Variants in CDKAL1 observed in about 807,000 individuals in gnomAD.
CDKAL1 encodes the protein threonylcarbamoyladenosine tRNA methylthiotransferase.
Under a neutral mutation model 68.2 loss-of-function variants are expected in CDKAL1, and 32 were observed. The observed-to-expected ratio is 0.47, with a 90% CI of 0.35 to 0.63. CDKAL1 has a LOEUF of 0.63. Ranked by LOEUF, CDKAL1 falls within the 30% of genes least tolerant of loss-of-function variation. The probability of loss-of-function intolerance (pLI) is 0.00; values close to 1 mark genes in which losing one functional copy is unlikely to be tolerated. For missense variants in CDKAL1, 606 were observed against 696.7 expected (o/e 0.87, Z 1.47); for synonymous variants, 234 against 244.3 (o/e 0.96, Z 0.39).
chr6:20,717,807 A>G (rs919403681), intron 5 of CDKAL1, among the ~76,000 whole-genome samples: 1 of 152,022 alleles, frequency 6.6e-6, no homozygotes, highest in African/African-American at 2.4e-5. Context: ...TTTTTTGTAT[A>G]TGGGGAATTT....
At chr6:20,815,744 C>T (rs995449084) in intron 8 of CDKAL1, among the ~76,000 whole-genome samples, 12 of 151,804 alleles carry the variant, frequency 7.9e-5, no homozygotes, top group African/African-American at 2.7e-4. Flanking sequence ...AGTCTACCAC[C>T]CAGAGATAAC....
At chr6:20,688,003 G>A (rs1317155286) in intron 5 of CDKAL1, among the ~76,000 whole-genome samples, 1 of 151,736 alleles carries the variant, frequency 6.6e-6, no homozygotes, top group African/African-American at 2.4e-5. Context: ...AGAATTCTAT[G>A]TTGTTGTTTT....
intron 8 of CDKAL1, among the ~76,000 whole-genome samples, chr6:20,828,318 T>C (rs1319855313): frequency 6.6e-6 from 1 of 152,042 alleles, no homozygotes; most frequent in African/African-American, 2.4e-5. Context: ...AACCTCCACC[T>C]CCTGGGATCA....
chr6:20,738,958 C>T lies in CDKAL1; in HGVS notation c.372-561C>T, dbSNP rs111892388. Among the ~76,000 whole-genome samples the T allele has an allele frequency of 2.4e-3, 369 of 152,278 alleles. 2 individuals carry two copies. Among genetic ancestry groups the T allele is most frequent in the African/African-American group, 8.2e-3 (341 of 41,560 alleles). On this transcript the variant is annotated intron_variant, in intron 5 of 15. Transcript: ENST00000274695. Reference sequence around the variant, plus strand: ...TATGCTTGCATATGTGAGGGATAGTCTTGTGTCTGGAAGTAAGCATATGCA... The same window carrying T: ...TATGCTTGCATATGTGAGGGATAGTTTTGTGTCTGGAAGTAAGCATATGCA...
At chr6:20,715,386 T>A (rs1053111476) in intron 5 of CDKAL1, among the ~76,000 whole-genome samples, 1 of 152,198 alleles carries the variant, frequency 6.6e-6, no homozygotes, top group Non-Finnish European at 1.5e-5. Context: ...GACGGGATCT[T>A]CTCCTTCTTA....
At chr6:20,857,888 C>G (rs1375033963) in intron 9 of CDKAL1, among the ~76,000 whole-genome samples, 17 of 152,290 alleles carry the variant, frequency 1.1e-4, no homozygotes. Context: ...GAGATGAAGT[C>G]TCGCTCTGTC....
At chr6:21,193,044 C>T (rs904298499) in intron 13 of CDKAL1, among the ~76,000 whole-genome samples, 2 of 151,940 alleles carry the variant, frequency 1.3e-5, no homozygotes, top group African/African-American at 4.8e-5. Context: ...GTCTCTAACT[C>T]CTGTCCTCAC....
At chr6:20,916,750 G>A (rs1762739397) in intron 9 of CDKAL1, among the ~76,000 whole-genome samples, 1 of 152,084 alleles carries the variant, frequency 6.6e-6, no homozygotes, top group African/African-American at 2.4e-5. Context: ...AATCCAAAAA[G>A]GCTATCACTA....
chr6:20,875,755 G>C (rs778388272), intron 9 of CDKAL1, among the ~76,000 whole-genome samples: 3 of 151,978 alleles, frequency 2.0e-5, no homozygotes, highest in Non-Finnish European at 4.4e-5. Flanking sequence ...TACTAAACAT[G>C]GCAATTGTGG....
intron 13 of CDKAL1, among the ~76,000 whole-genome samples, chr6:21,157,059 G>A (rs894350724): frequency 6.6e-6 from 1 of 152,168 alleles, no homozygotes; most frequent in Non-Finnish European, 1.5e-5. Flanking sequence ...GAGATGGTAG[G>A]TAGGGTGGAA....
chr6:20,700,332 G>T (rs1474478367), intron 5 of CDKAL1, among the ~76,000 whole-genome samples: 1 of 148,294 alleles, frequency 6.7e-6, no homozygotes, highest in Non-Finnish European at 1.5e-5. Context: ...TCCAGCCTGG[G>T]CAACAAGAGT....
intron 13 of CDKAL1, among the ~76,000 whole-genome samples, chr6:21,169,873 T>C (rs1420728438): frequency 1.3e-5 from 2 of 151,556 alleles, no homozygotes; most frequent in African/African-American, 4.9e-5. Context: ...TGTAAAGCGG[T>C]CAGATCTCAT....
chr6:20,571,364 T>C (rs756620903), intron 4 of CDKAL1, among the ~76,000 whole-genome samples: 4 of 152,168 alleles, frequency 2.6e-5, no homozygotes, highest in Non-Finnish European at 4.4e-5. Context: ...TATTCAGCAG[T>C]TGAACAAGAC....
intron 4 of CDKAL1, among the ~76,000 whole-genome samples, chr6:20,592,301 A>G (rs1765624821): frequency 6.6e-6 from 1 of 152,180 alleles, no homozygotes. Context: ...TGTCATCTGC[A>G]AACAGAGGTA....
chr6:21,163,921 A>G (rs1210553823), intron 13 of CDKAL1, among the ~76,000 whole-genome samples: 2 of 150,460 alleles, frequency 1.3e-5, no homozygotes, highest in South Asian at 2.1e-4. Flanking sequence ...ATTACACTCC[A>G]GCCTGGGCAA....
intron 11 of CDKAL1, among the ~76,000 whole-genome samples, chr6:21,053,189 A>C (rs113524263): frequency 1.9e-3 from 282 of 152,338 alleles, no homozygotes; most frequent in African/African-American, 5.3e-3. Flanking sequence ...GTCTATTCTA[A>C]GTCGTCTTCT....
chr6:21,061,607 T>G (rs1430097363), intron 11 of CDKAL1, among the ~76,000 whole-genome samples: 1 of 152,294 alleles, frequency 6.6e-6, no homozygotes, highest in Admixed American at 6.5e-5. Context: ...CCTAGCCATT[T>G]AAATCATATT....
At chr6:20,681,712 C>T (rs556258497) in intron 5 of CDKAL1, among the ~76,000 whole-genome samples, 1 of 152,010 alleles carries the variant, frequency 6.6e-6, no homozygotes, top group Non-Finnish European at 1.5e-5. Context: ...TCCAGTTTTC[C>T]TCCATTTTTA....
At chr6:21,033,351 C>G (rs970815867) in intron 11 of CDKAL1, among the ~76,000 whole-genome samples, 5 of 152,104 alleles carry the variant, frequency 3.3e-5, no homozygotes, top group African/African-American at 1.2e-4. Context: ...TCTTTTTTAA[C>G]TAGTGCTTGA....
Sources: allele counts gnomAD v4.1 joint callset (sites outside exome capture counted in the v4.1 genomes callset), GRCh38; gene constraint gnomAD v4.1.1; transcripts MANE v1.5; gene names NCBI Gene and HGNC (gene_info 2026-07-23, HGNC 2026-07-21).